PAX6: variants seen among roughly 807,000 people sequenced by gnomAD.
The protein encoded by PAX6 is paired box 6.
In PAX6, 7 loss-of-function variants were observed where a neutral mutation model predicts 60.7. The ratio of observed to expected loss-of-function variants is 0.12; its 90% CI spans 0.07 to 0.22. The LOEUF is 0.22. PAX6 is among the 10% of genes least tolerant of loss of function. The pLI, the probability that PAX6 is intolerant of heterozygous loss-of-function variation, is 1.00. For missense variants in PAX6, 355 were observed against 555.2 expected, an observed-to-expected ratio of 0.64 and a Z score of 3.62; for synonymous variants, 208 against 201.2, an observed-to-expected ratio of 1.03 and a Z score of -0.29.
Position 31,789,761 on chromosome 11 carries a change from CT to C in PAX6, c.*172del, listed in dbSNP as rs1352463196. 2 of 719,960 alleles carry C rather than the reference CT, an allele frequency of 2.8e-6. No homozygotes were observed. Among genetic ancestry groups the C allele is most frequent in the African/African-American group, 3.5e-5 (2 of 57,384 alleles). 44.6% of individuals were successfully genotyped at this position (719,960 alleles called of 1,614,324 possible). On this transcript the variant is annotated 3_prime_UTR_variant, in exon 14 of 14. Coordinates refer to ENST00000640368, the MANE Select transcript of PAX6 (RefSeq NM_001368894.2). ...ATCGTGCCTTCTGTATACAAAGGTC[CT>C]TGTTTCAAGTCCATTCCTTCCCCAG...
chr11:31,810,819 C>A lies in PAX6; in HGVS notation c.-129+9G>T, dbSNP rs56139994. 2.5e-6 allele frequency: 1 copy of A among 398,970 alleles called. No individual in the cohort carries two copies. The highest frequency in any genetic ancestry group is 4.4e-6 in the Non-Finnish European group (1 of 226,092). The allele number at this position is 398,970 out of a possible 1,614,324, so 24.7% of individuals were successfully genotyped here. On this transcript the variant is annotated intron_variant, in intron 2 of 13. Coordinates refer to ENST00000640368, the MANE Select transcript of PAX6 (RefSeq NM_001368894.2). ...TAAAAATAAAGCGAGAAGAAAGAAG[C>A]GGACTCACCTTTATGAGGCATCCTT...
At chr11:31,813,199 T>C (rs1346824250), upstream of PAX6, 1 of 152,026 alleles carries the variant, frequency 6.6e-6, no homozygotes, top group Non-Finnish European at 1.5e-5. Flanking sequence ...CGCGGCCTCC[T>C]GGGCGAGGTT....
chr11:31,793,985 C>T (rs1950691277), intron 10 of PAX6, 47 bp downstream of exon 10: 1 of 1,368,414 alleles, frequency 7.3e-7, no homozygotes, highest in South Asian at 1.2e-5. Flanking sequence ...CTAGGAAAGA[C>T]AAATGGTATG....
rs982149565 is a variant in PAX6, at chr11:31,793,628, C to A, written c.958+24G>T. The A allele has an allele frequency of 2.5e-6, 4 of 1,613,896 alleles. No individual in the cohort carries two copies. The African/African-American group carries it at 5.3e-5, about 22-fold the overall frequency. On this transcript the variant is annotated intron_variant, in intron 11 of 13. Transcript: ENST00000640368. ...GCAAACAGGTTTAAAGACATTGATT[C>A]GTAGTATTAGTATTTCAAATTACCC...
intron 4 of PAX6, 142 bp downstream of exon 4, chr11:31,806,260 G>C (rs561446474): frequency 1.1e-6 from 1 of 872,638 alleles, no homozygotes; most frequent in Non-Finnish European, 1.7e-6. Context: ...GGCGCGGAGC[G>C]GGGAGCAGCC....
At chr11:31,802,222 T>G (rs1390559925) in intron 5 of PAX6, 2 of 400,880 alleles carry the variant, frequency 5.0e-6, no homozygotes, top group Non-Finnish European at 8.9e-6. Context: ...AATACTCAAT[T>G]GAGTAAATGT....
intron 8 of PAX6, among the ~76,000 whole-genome samples, chr11:31,797,279 C>T (rs1238691955): frequency 6.6e-6 from 1 of 152,016 alleles, no homozygotes; most frequent in African/African-American, 2.4e-5. Context: ...CCGAATCTGC[C>T]TCCGAAGAAC....
At chr11:31,802,082 C>A in intron 5 of PAX6, 170 bp from the exon 6 acceptor site, 1 of 647,394 alleles carries the variant, frequency 1.5e-6, no homozygotes, top group Non-Finnish European at 2.7e-6. Flanking sequence ...TTTTCTTAAA[C>A]ACTGCCTGAA....
intron 8 of PAX6, among the ~76,000 whole-genome samples, chr11:31,797,268 C>T (rs1347893086): frequency 2.6e-5 from 4 of 152,088 alleles, no homozygotes; most frequent in African/African-American, 9.7e-5. Flanking sequence ...AACAAAGTTG[C>T]CCGAATCTGC....
chr11:31,803,042 T>G, intron 4 of PAX6: 1 of 617,106 alleles, frequency 1.6e-6, no homozygotes, highest in Non-Finnish European at 2.9e-6. Flanking sequence ...CGGCGGTCAG[T>G]TCCCTGCTAT....
At chr11:31,809,359 A>G (rs758948626) in intron 2 of PAX6, 75 of 152,166 alleles carry the variant, frequency 4.9e-4, no homozygotes, top group Non-Finnish European at 6.9e-4. Context: ...CCCTTCTAAA[A>G]CCTTCCCAAG....
chr11:31,800,720 C>T lies in PAX6; in HGVS notation c.536G>A (p.Gly179Glu), dbSNP rs760865122. The T allele has an allele frequency of 2.5e-6, 4 of 1,614,190 alleles. No homozygotes were observed. The South Asian group carries it at 4.4e-5, about 18-fold the overall frequency. ...SWGTRPGWYP[G>E]TSVPGQPTQD... ...CGTAGGTTGCCCTGGCACCGAAGTCCCCGGATACCAACCAGGGCGGGTGCC... is the reference window on the plus strand; with the variant it reads ...CGTAGGTTGCCCTGGCACCGAAGTCTCCGGATACCAACCAGGGCGGGTGCC... Residue 179 changes from glycine to glutamate, a missense_variant, in exon 8 of 14, where the codon GGG becomes GAG. Physicochemically the swap from Gly to Glu is moderately conservative, Grantham distance 98. This residue lies in a region of PAX6 where 143 missense variants were observed against 183.6 expected (regional missense o/e 0.78). Coordinates refer to ENST00000640368, the MANE Select transcript of PAX6 (RefSeq NM_001368894.2).
intron 11 of PAX6, 46 bp from the exon 12 acceptor site, chr11:31,793,599 C>CG: frequency 6.2e-7 from 1 of 1,613,486 alleles, no homozygotes; most frequent in Non-Finnish European, 8.5e-7. Flanking sequence ...AGTCAGAGCC[C>CG]GGAGCAAACA....
intron 8 of PAX6, among the ~76,000 whole-genome samples, chr11:31,799,238 C>T (rs1049547763): frequency 6.6e-6 from 1 of 152,066 alleles, no homozygotes; most frequent in East Asian, 1.9e-4. Flanking sequence ...GAGGCGGGAG[C>T]GGGCCTGGGG....
At chr11:31,801,490 G>T in intron 7 of PAX6, 71 bp downstream of exon 7, 2 of 1,610,656 alleles carry the variant, frequency 1.2e-6, no homozygotes, top group Non-Finnish European at 1.7e-6. Context: ...GGAGAGAGAG[G>T]GTGGGAGGAG....
intron 2 of PAX6, chr11:31,807,731 G>T (rs914842400): frequency 6.6e-6 from 1 of 152,044 alleles, no homozygotes; most frequent in African/African-American, 2.4e-5. Flanking sequence ...AGCTTTCCTC[G>T]AACCCAAGGA....
intron 7 of PAX6, 162 bp from the exon 8 acceptor site, chr11:31,801,018 T>G (rs1420427448): frequency 2.4e-6 from 2 of 826,528 alleles, no homozygotes; most frequent in Non-Finnish European, 4.0e-6. Flanking sequence ...GTGGAAAAAA[T>G]GATAGCTATC....
chr11:31,813,390 G>T (rs1340061148), upstream of PAX6, among the ~76,000 whole-genome samples: 3 of 39,838 alleles, frequency 7.5e-5, no homozygotes, highest in African/African-American at 4.1e-4. Flanking sequence ...GCGGGGGGGC[G>T]GGGGGGGGGG....
upstream of PAX6, chr11:31,812,258 G>A (rs1327593501): frequency 1.3e-5 from 2 of 152,820 alleles, no homozygotes; most frequent in African/African-American, 2.4e-5. Flanking sequence ...AAGCCTGGGT[G>A]GGGGGGCGGA....
Sources: allele counts gnomAD v4.1 joint callset (sites outside exome capture counted in the v4.1 genomes callset), GRCh38; gene constraint gnomAD v4.1.1; regional missense constraint gnomAD v4.1.1; transcripts MANE v1.5; gene names NCBI Gene and HGNC (gene_info 2026-07-23, HGNC 2026-07-21).